USP9Y: variants seen among roughly 807,000 people sequenced by gnomAD.
The protein encoded by USP9Y is ubiquitin specific peptidase 9 Y-linked.
USP9Y carries 41 observed loss-of-function variants against 53.1 expected under a neutral mutation model. The ratio of observed to expected loss-of-function variants is 0.77; its 90% CI spans 0.60 to 1.00. The LOEUF is 1.00. USP9Y is among the 50% of genes least tolerant of loss of function. The pLI is 0.00. For synonymous variants in USP9Y, 220 were observed against 173.7 expected (o/e 1.27, Z -2.09); for missense variants, 567 against 535.8 (o/e 1.06, Z -0.58).
intron 7 of USP9Y, among the ~76,000 whole-genome samples, chrY:12,732,881 T>C (rs2053448147): frequency 3.0e-5 from 1 of 33,153 alleles, no homozygotes; most frequent in South Asian, 6.8e-4. Context: ...CATTAGTTCA[T>C]TAGGCGTATT....
chrY:12,760,189 C>T (rs2053473933), intron 14 of USP9Y, among the ~76,000 whole-genome samples: 2 of 33,764 alleles, frequency 5.9e-5, no homozygotes, highest in South Asian at 1.3e-3. Flanking sequence ...CTCATTGTTC[C>T]AGAATGTACC....
At chrY:12,755,234 C>T in intron 12 of USP9Y, among the ~76,000 whole-genome samples, 2 of 28,240 alleles carry the variant, frequency 7.1e-5, no homozygotes, top group Non-Finnish European at 1.7e-4. Flanking sequence ...GCGCGGTCTC[C>T]GCTGACTGCA....
chrY:12,763,636 C>T (rs2053477397), intron 15 of USP9Y, among the ~76,000 whole-genome samples: 1 of 25,767 alleles, frequency 3.9e-5, no homozygotes, highest in Non-Finnish European at 8.9e-5. Flanking sequence ...TTGATTCAGT[C>T]ACTAATTCTA....
chrY:12,732,316 G>A, intron 7 of USP9Y, among the ~76,000 whole-genome samples: 1 of 32,793 alleles, frequency 3.0e-5, no homozygotes, highest in Non-Finnish European at 7.4e-5. Context: ...TCTTGTTTCC[G>A]TATTTTCATC....
chrY:12,808,812 T>G, intron 27 of USP9Y, among the ~76,000 whole-genome samples: 1 of 33,929 alleles, frequency 2.9e-5, no homozygotes, highest in Admixed American at 2.7e-4. Flanking sequence ...TTTGCTTTGT[T>G]TTTAAGTAAG....
At chrY:12,857,537 G>A in intron 44 of USP9Y, 29 bp from the exon 45 acceptor site, 1 of 334,356 alleles carries the variant, frequency 3.0e-6, no homozygotes. Flanking sequence ...ATAATCTAAT[G>A]CTTAATCTCT....
chrY:12,789,448 A>G, intron 24 of USP9Y, among the ~76,000 whole-genome samples: 1 of 32,924 alleles, frequency 3.0e-5, no homozygotes, highest in African/African-American at 1.2e-4. Flanking sequence ...CCTGGTCAGC[A>G]TGGCGAAACC....
intron 1 of USP9Y, among the ~76,000 whole-genome samples, chrY:12,703,199 A>C: frequency 3.0e-5 from 1 of 33,129 alleles, no homozygotes; most frequent in South Asian, 7.0e-4. Flanking sequence ...AGCTGGGACT[A>C]CAGGCACCTG....
At chrY:12,761,389 G>A (rs1034123389) in intron 15 of USP9Y, among the ~76,000 whole-genome samples, 2 of 34,178 alleles carry the variant, frequency 5.9e-5, no homozygotes, top group African/African-American at 1.1e-4. Context: ...TAGATGTGTC[G>A]TTGGTTCTTA....
intron 37 of USP9Y, 65 bp from the exon 38 acceptor site, chrY:12,842,175 T>C: frequency 6.3e-6 from 2 of 318,613 alleles, no homozygotes; most frequent in Non-Finnish European, 9.5e-6. Context: ...AATCTGTTTC[T>C]TCCATGTACC....
At chrY:12,790,579 T>C in intron 25 of USP9Y, 47 bp downstream of exon 25, 2 of 359,383 alleles carry the variant, frequency 5.6e-6, no homozygotes, top group Non-Finnish European at 8.0e-6. Flanking sequence ...TGATCTCTAC[T>C]TAACACGTAA....
At chrY:12,825,141 A>G (rs1006584342) in intron 33 of USP9Y, among the ~76,000 whole-genome samples, 3 of 32,263 alleles carry the variant, frequency 9.3e-5, no homozygotes, top group Admixed American at 8.6e-4. Context: ...CATGTTGGCC[A>G]GTTGGTCTCG....
chrY:12,727,518 A>G (rs2053443701), intron 7 of USP9Y, among the ~76,000 whole-genome samples: 1 of 33,458 alleles, frequency 3.0e-5, no homozygotes, highest in Admixed American at 2.8e-4. Flanking sequence ...AAAGTCACCC[A>G]ATTTTGTATA....
intron 14 of USP9Y, among the ~76,000 whole-genome samples, chrY:12,759,234 A>T (rs746198707): frequency 3.0e-5 from 1 of 33,431 alleles, no homozygotes; most frequent in African/African-American, 1.2e-4. Flanking sequence ...GTTATATGTT[A>T]AATTGTGGTT....
At position 12,702,025 on chromosome Y, in the gene USP9Y, T is replaced by G. The variant is rs924163369; in HGVS notation, c.-151T>G. On this transcript the variant is annotated 5_prime_UTR_variant, in exon 1 of 46. Coordinates refer to ENST00000338981, the MANE Select transcript of USP9Y (RefSeq NM_004654.4). ...TGTTTTGCAGAGAGCTTGGAGATAA[T>G]TCTGGTGGCTGTGTGGAGTATGTGT... The G allele has an allele frequency of 3.0e-5, 1 of 33,790 alleles. No individual in the cohort carries two copies. Among genetic ancestry groups the G allele is most frequent in the Non-Finnish European group, 7.4e-5 (1 of 13,595 alleles). 8.4% of individuals were successfully genotyped at this position (33,790 alleles called of 400,897 possible). A position where few individuals can be genotyped will look rare whatever the true frequency, so the allele number is the denominator to read the frequency against.
Position 12,791,564 on chromosome Y carries a change from A to T in USP9Y, c.3753A>T (p.Ala1251=). 1 of 394,222 alleles carries T rather than the reference A, an allele frequency of 2.5e-6. No homozygotes were observed. The highest frequency in any genetic ancestry group is 3.6e-6 in the Non-Finnish European group (1 of 279,784). Reference sequence around the variant, plus strand: ...TACAGAAAATTATCTGGGCATCAGCATGTGGGGCATTAGGACTAGTTTTTA... The same window carrying T: ...TACAGAAAATTATCTGGGCATCAGCTTGTGGGGCATTAGGACTAGTTTTTA... ...RAIQKIIWAS[A]CGALGLVFSP... is the part of the protein sequence containing the mutation. The change falls in exon 26 of 46, where the codon GCA becomes GCT. Residue 1251 remains alanine, a synonymous_variant. Coordinates refer to ENST00000338981, the MANE Select transcript of USP9Y (RefSeq NM_004654.4).
At chrY:12,803,485 A>G in intron 27 of USP9Y, 1 of 33,455 alleles carries the variant, frequency 3.0e-5, no homozygotes, top group Non-Finnish European at 7.4e-5. Flanking sequence ...TTTCTCCCCA[A>G]AGTTCTGGCT....
intron 31 of USP9Y, among the ~76,000 whole-genome samples, chrY:12,815,336 T>C: frequency 6.0e-5 from 2 of 33,403 alleles, no homozygotes; most frequent in African/African-American, 2.3e-4. Flanking sequence ...CAAGCAGTTC[T>C]CCTGCCTCAG....
intron 15 of USP9Y, among the ~76,000 whole-genome samples, chrY:12,767,037 C>T (rs1045923651): frequency 2.7e-4 from 9 of 33,092 alleles, no homozygotes; most frequent in African/African-American, 4.8e-4. Context: ...TGACCGCTCA[C>T]AGACACCCAG....
Sources: gnomAD v4.1 joint callset for allele counts (sites outside exome capture counted in the v4.1 genomes callset) on GRCh38, gnomAD v4.1.1 for gene constraint, MANE v1.5 for transcripts, NCBI Gene and HGNC (gene_info 2026-07-23, HGNC 2026-07-21) for gene names.